Variants in KYNU observed in about 807,000 individuals in gnomAD.
KYNU encodes the protein kynureninase.
KYNU carries 54 observed loss-of-function variants against 59.2 expected under a neutral mutation model. The ratio of observed to expected loss-of-function variants is 0.91; its 90% CI spans 0.73 to 1.14. The LOEUF (loss-of-function observed/expected upper bound fraction) is 1.14, where lower values mean the gene tolerates loss of function less well. Among genes scored for constraint, KYNU ranks in the 50% most tolerant of loss-of-function variants. KYNU has a pLI of 0.00. For synonymous variants in KYNU, 177 were observed against 192.0 expected (o/e 0.92, Z 0.65); for missense variants, 567 against 554.4 (o/e 1.02, Z -0.23).
chr2:143,049,880 C>T lies in KYNU; in HGVS notation c.*7708C>T, dbSNP rs1687234520. 1 of 151,914 alleles carries T rather than the reference C, an allele frequency of 6.6e-6. No homozygotes were observed. The highest frequency in any genetic ancestry group is 1.5e-5 in the Non-Finnish European group (1 of 67,964). 9.4% of individuals were successfully genotyped at this position (151,914 alleles called of 1,614,324 possible). On this transcript the variant is annotated 3_prime_UTR_variant, in exon 14 of 14. Coordinates refer to ENST00000264170, the MANE Select transcript of KYNU (RefSeq NM_003937.3). ...CTTGACCTTTTGAATTCTTTGAAAA[C>T]TGAGTTAAGTCTGATTTTCCAGAGT...
At chr2:142,934,332 G>A (rs1412069328) in intron 4 of KYNU, among the ~76,000 whole-genome samples, 1 of 152,092 alleles carries the variant, frequency 6.6e-6, no homozygotes, top group African/African-American at 2.4e-5. Flanking sequence ...TGGGGGATAA[G>A]GAAAAGTTGC....
At chr2:142,983,746 ATTTG>A (rs970877274) in intron 8 of KYNU, among the ~76,000 whole-genome samples, 17 of 152,092 alleles carry the variant, frequency 1.1e-4, no homozygotes, top group African/African-American at 3.6e-4. Context: ...AAATGTATTT[ATTTG>A]TTTTAGAATA....
intron 8 of KYNU, among the ~76,000 whole-genome samples, chr2:142,977,290 G>A (rs935005309): frequency 6.6e-6 from 1 of 150,630 alleles, no homozygotes; most frequent in Non-Finnish European, 1.5e-5. Context: ...TCTCGTTTCT[G>A]TTCCTGTTTG....
At chr2:143,014,310 C>A (rs1327165230) in intron 10 of KYNU, among the ~76,000 whole-genome samples, 1 of 152,206 alleles carries the variant, frequency 6.6e-6, no homozygotes, top group Non-Finnish European at 1.5e-5. Flanking sequence ...TGGAGTACAA[C>A]CTGGCTAAGT....
intron 1 of KYNU, among the ~76,000 whole-genome samples, chr2:142,883,566 T>C (rs1202650099): frequency 6.6e-6 from 1 of 152,046 alleles, no homozygotes. Context: ...CCTCCTTCCC[T>C]CTTTTTCCCT....
intron 10 of KYNU, among the ~76,000 whole-genome samples, chr2:143,016,894 C>T (rs572747229): frequency 3.7e-4 from 57 of 152,268 alleles, no homozygotes; most frequent in African/African-American, 1.3e-3. Flanking sequence ...TCCCCTCCCT[C>T]TCTCCTCGCT....
chr2:142,940,237 T>C (rs1294008754), intron 4 of KYNU, among the ~76,000 whole-genome samples: 1 of 152,266 alleles, frequency 6.6e-6, no homozygotes, highest in African/African-American at 2.4e-5. Flanking sequence ...CCGGAGAATA[T>C]GTGCTTCTCT....
chr2:142,948,218 C>G (rs1404552973), intron 4 of KYNU: 3 of 152,282 alleles, frequency 2.0e-5, no homozygotes, highest in Non-Finnish European at 4.4e-5. Flanking sequence ...TTCCTTAAAC[C>G]TTATGAGCCA....
At chr2:142,986,653 G>A (rs1685210704) in intron 10 of KYNU, among the ~76,000 whole-genome samples, 1 of 151,650 alleles carries the variant, frequency 6.6e-6, no homozygotes, top group Admixed American at 6.6e-5. Flanking sequence ...ATTTGACTGG[G>A]GAATTCATAA....
chr2:143,012,023 C>A (rs1465408895), intron 10 of KYNU, among the ~76,000 whole-genome samples: 4 of 148,080 alleles, frequency 2.7e-5, no homozygotes, highest in Admixed American at 1.3e-4. Context: ...TGTAACTAAC[C>A]TGCACAATGT....
intron 3 of KYNU, among the ~76,000 whole-genome samples, chr2:142,923,013 G>A (rs1403748751): frequency 6.6e-6 from 1 of 152,178 alleles, no homozygotes; most frequent in Admixed American, 6.5e-5. Context: ...TGGCAGAAGA[G>A]GCAAACACCT....
rs201061046 is a variant in KYNU, at chr2:142,939,638, AAAGAT to A, written c.373+11900_373+11904del. Reference sequence around the variant, plus strand: ...AAAAAAAAAAGAAAAAAGAAAAAGAAAAGATAACAGATTGAGTACAGACCGAAAAT... The same window carrying A: ...AAAAAAAAAAGAAAAAAGAAAAAGAAAACAGATTGAGTACAGACCGAAAAT... On this transcript the variant is annotated intron_variant, in intron 4 of 13. Coordinates refer to ENST00000264170, the MANE Select transcript of KYNU (RefSeq NM_003937.3). 5.1e-3 allele frequency among the ~76,000 whole-genome samples: 770 copies of A among 151,580 alleles called. 11 individuals are homozygous for A. Among genetic ancestry groups the A allele is most frequent in the African/African-American group, 0.018 (744 of 41,354 alleles).
intron 4 of KYNU, among the ~76,000 whole-genome samples, chr2:142,952,809 T>A (rs1246726620): frequency 4.6e-5 from 7 of 152,200 alleles, no homozygotes; most frequent in African/African-American, 1.4e-4. Flanking sequence ...TTATTTGTGA[T>A]AATTATTTTT....
intron 2 of KYNU, among the ~76,000 whole-genome samples, chr2:142,910,152 T>C (rs1682433457): frequency 2.1e-5 from 3 of 146,252 alleles, no homozygotes. Context: ...TTTTTTTTTC[T>C]TTGAGACAGA....
rs1303368094 is a variant in KYNU, at chr2:143,042,263, C to A, written c.*91C>A. On this transcript the variant is annotated 3_prime_UTR_variant, in exon 14 of 14. Coordinates refer to ENST00000264170, the MANE Select transcript of KYNU (RefSeq NM_003937.3). ...CGATTTTTAATTATTGAAAGTATGT[C>A]ACCATTGACCACATGTAACTAACAA... The A allele has an allele frequency of 1.6e-5, 19 of 1,185,646 alleles. No homozygotes were observed. The highest frequency in any genetic ancestry group is 2.4e-5 in the East Asian group (1 of 42,192). 73.4% of individuals were successfully genotyped at this position (1,185,646 alleles called of 1,614,324 possible). A position where few individuals can be genotyped will look rare whatever the true frequency, so the allele number is the denominator to read the frequency against.
chr2:143,036,842 A>C (rs949410332), intron 12 of KYNU, among the ~76,000 whole-genome samples: 3 of 152,220 alleles, frequency 2.0e-5, no homozygotes, highest in Non-Finnish European at 2.9e-5. Flanking sequence ...TGAAGTTTCA[A>C]TAAACGAAAG....
chr2:143,039,654 A>G (rs1225812746), intron 12 of KYNU, among the ~76,000 whole-genome samples: 1 of 152,134 alleles, frequency 6.6e-6, no homozygotes, highest in African/African-American at 2.4e-5. Flanking sequence ...CCTGGAAATT[A>G]TCACCAGACC....
At chr2:142,962,019 C>T (rs553177634) in intron 8 of KYNU, among the ~76,000 whole-genome samples, 48 of 152,206 alleles carry the variant, frequency 3.2e-4, no homozygotes, top group African/African-American at 1.1e-3. Context: ...ACTGCTTTGA[C>T]GGATAACTCT....
chr2:142,957,887 C>T (rs1395695255), intron 7 of KYNU, 172 bp downstream of exon 7: 22 of 579,378 alleles, frequency 3.8e-5, no homozygotes, highest in Non-Finnish European at 6.7e-5. Flanking sequence ...TAGAGAATAA[C>T]TCAGATGTGT....
Sources: gnomAD v4.1 joint callset for allele counts (sites outside exome capture counted in the v4.1 genomes callset) on GRCh38, gnomAD v4.1.1 for gene constraint, MANE v1.5 for transcripts, NCBI Gene and HGNC (gene_info 2026-07-23, HGNC 2026-07-21) for gene names.